POLR2B: variants seen among roughly 807,000 people sequenced by gnomAD.
The protein encoded by POLR2B is RNA polymerase II subunit B.
Under a neutral mutation model 144.6 loss-of-function variants are expected in POLR2B, and 57 were observed. The observed-to-expected ratio is 0.39, with a 90% CI of 0.32 to 0.49. The LOEUF is 0.49. POLR2B is among the 20% of genes least tolerant of loss of function. The pLI is 0.83. For missense variants in POLR2B, 595 were observed against 1,467.4 expected (o/e 0.41, Z 9.71); for synonymous variants, 442 against 469.8 (o/e 0.94, Z 0.77).
chr4:56,994,486 TGCCCAATGAA>T lies in POLR2B; in HGVS notation c.329_338del (p.Pro110LeufsTer3). ...AGAGATGGTGCTCCTTCACCAATGA[TGCCCAATGAA>T]GCTAGATTAAGGAATCTCACGTAAG... On this transcript the variant is annotated frameshift_variant, in exon 4 of 25. Coordinates refer to ENST00000314595, the MANE Select transcript of POLR2B (RefSeq NM_000938.3). LOFTEE classifies it high-confidence loss of function. 1 of 1,602,900 alleles carries T rather than the reference TGCCCAATGAA, an allele frequency of 6.2e-7. No homozygotes were observed. Among genetic ancestry groups the T allele is most frequent in the Non-Finnish European group, 8.5e-7 (1 of 1,169,828 alleles).
At chr4:56,997,477 G>A (rs1165641817) in intron 6 of POLR2B, among the ~76,000 whole-genome samples, 2 of 152,232 alleles carry the variant, frequency 1.3e-5, no homozygotes, top group Non-Finnish European at 2.9e-5. Flanking sequence ...GGCTGGTCTC[G>A]AACTCCTGAG....
chr4:56,994,393 T>G lies in POLR2B; in HGVS notation c.244-11T>G. Reference sequence around the variant, plus strand: ...TATTTACCCTTTTCATGTTTTTTTGTTTAATTTCAGCCACGATATTTGCTG... The same window carrying G: ...TATTTACCCTTTTCATGTTTTTTTGGTTAATTTCAGCCACGATATTTGCTG... On this transcript the variant is annotated splice_polypyrimidine_tract_variant and intron_variant, in intron 3 of 24. Coordinates refer to ENST00000314595, the MANE Select transcript of POLR2B (RefSeq NM_000938.3). 7.0e-7 allele frequency: 1 copy of G among 1,435,182 alleles called. No homozygotes were observed. Among genetic ancestry groups the G allele is most frequent in the Non-Finnish European group, 9.7e-7 (1 of 1,028,076 alleles). The allele number at this position is 1,435,182 out of a possible 1,614,324, so 88.9% of individuals were successfully genotyped here.
At chr4:57,003,854 AAAAAAG>A (rs1005417076) in intron 7 of POLR2B, among the ~76,000 whole-genome samples, 31 of 152,034 alleles carry the variant, frequency 2.0e-4, no homozygotes, top group African/African-American at 6.5e-4. Context: ...CTCTTAAAAA[AAAAAAG>A]AAAAAGAAGA....
intron 23 of POLR2B, 148 bp from the exon 24 acceptor site, chr4:57,030,056 C>A: frequency 1.4e-6 from 1 of 690,422 alleles, no homozygotes; most frequent in Non-Finnish European, 2.4e-6. Flanking sequence ...GACTTCTCCT[C>A]TCCCCACCAA....
At chr4:56,994,140 C>T (rs1444046911) in intron 3 of POLR2B, among the ~76,000 whole-genome samples, 3 of 152,062 alleles carry the variant, frequency 2.0e-5, no homozygotes, top group Admixed American at 2.0e-4. Context: ...AACCTTGTTA[C>T]AAACCTTGTT....
Position 57,006,891 on chromosome 4 carries a change from G to T in POLR2B, c.1293G>T (p.Leu431Phe). 6.2e-7 allele frequency: 1 copy of T among 1,613,076 alleles called. No individual in the cohort carries two copies. Among genetic ancestry groups the T allele is most frequent in the Non-Finnish European group, 8.5e-7 (1 of 1,179,114 alleles). ...TTGATCGAGGAAAGGATTTTAACTT[G>T]GAGTTGGCAATTAAAACACGGATCA... ...KFIDRGKDFN[L>F]ELAIKTRIIS... The change falls in exon 10 of 25, where the codon TTG becomes TTT. Residue 431 changes from leucine to phenylalanine, a missense_variant. By Grantham distance (22) the Leu-to-Phe change is conservative (BLOSUM62 0). Transcript: ENST00000314595.
intron 3 of POLR2B, among the ~76,000 whole-genome samples, 184 bp from the exon 4 acceptor site, chr4:56,994,220 A>C (rs1722609718): frequency 3.9e-5 from 6 of 152,338 alleles, no homozygotes; most frequent in Admixed American, 3.3e-4. Context: ...ATTTGGTTTA[A>C]AACTTAACGT....
At chr4:57,026,149 A>G (rs548909788) in intron 23 of POLR2B, among the ~76,000 whole-genome samples, 1 of 151,954 alleles carries the variant, frequency 6.6e-6, no homozygotes, top group African/African-American at 2.4e-5. Flanking sequence ...GAGGCATGAG[A>G]ATCACTTGAA....
chr4:56,989,189 T>G (rs1578558669), intron 2 of POLR2B, among the ~76,000 whole-genome samples: 2 of 152,286 alleles, frequency 1.3e-5, no homozygotes, highest in East Asian at 3.9e-4. Context: ...TTCTAATGAT[T>G]TTGGGTAAAG....
intron 13 of POLR2B, among the ~76,000 whole-genome samples, chr4:57,015,301 G>A (rs917643010): frequency 1.3e-5 from 2 of 152,072 alleles, no homozygotes; most frequent in African/African-American, 4.8e-5. Context: ...TAATTGCCAA[G>A]GTTAGATTTT....
intron 7 of POLR2B, among the ~76,000 whole-genome samples, chr4:57,000,185 C>G (rs1722809453): frequency 6.6e-6 from 1 of 152,228 alleles, no homozygotes; most frequent in Admixed American, 6.5e-5. Flanking sequence ...CCTATAATCT[C>G]AGCACTTTGG....
rs1723409091 is a variant in POLR2B at position 57,017,500 on chromosome 4, A to T, written c.2155-60A>T. 1 of 1,319,452 alleles carries T rather than the reference A, an allele frequency of 7.6e-7. No homozygotes were observed. Among genetic ancestry groups the T allele is most frequent in the African/African-American group, 1.5e-5 (1 of 67,916 alleles). 81.7% of individuals were successfully genotyped at this position (1,319,452 alleles called of 1,614,324 possible). A position where few individuals can be genotyped will look rare whatever the true frequency, so the allele number is the denominator to read the frequency against. On this transcript the variant is annotated intron_variant, in intron 15 of 24. Coordinates refer to ENST00000314595, the MANE Select transcript of POLR2B (RefSeq NM_000938.3). This position sits in a 1 kb window ranked among gnomAD's most constrained non-coding sequence, Gnocchi z 4.8. ...CATATTTCTTTTGATTTATTGTCAG[A>T]GTCTTTTCCATTAGTGATAGTAACT...
chr4:56,990,585 C>T (rs1722482921), intron 2 of POLR2B, among the ~76,000 whole-genome samples, 163 bp from the exon 3 acceptor site: 1 of 152,140 alleles, frequency 6.6e-6, no homozygotes, highest in South Asian at 2.1e-4. Context: ...CGGTTTCATC[C>T]TTTTTAAGAT....
At chr4:57,012,642 G>C (rs1723228528) in intron 13 of POLR2B, among the ~76,000 whole-genome samples, 1 of 150,196 alleles carries the variant, frequency 6.7e-6, no homozygotes, top group Admixed American at 6.7e-5. Context: ...TTTTCCAGCA[G>C]CAGACCCTGA....
Position 57,031,097 on chromosome 4 carries a change from A to T in POLR2B, c.*109A>T. ...ACTGTGTTGTGATAAAAAGTATTTT[A>T]TTTGTTTAATGATATGCATGCTTTT... On this transcript the variant is annotated 3_prime_UTR_variant, in exon 25 of 25. Coordinates refer to ENST00000314595, the MANE Select transcript of POLR2B (RefSeq NM_000938.3). 1.3e-6 allele frequency: 1 copy of T among 776,564 alleles called. No individual in the cohort carries two copies. The highest frequency in any genetic ancestry group is 2.2e-6 in the Non-Finnish European group (1 of 455,964). The allele number at this position is 776,564 out of a possible 1,614,324, so 48.1% of individuals were successfully genotyped here. A position where few individuals can be genotyped will look rare whatever the true frequency, so the allele number is the denominator to read the frequency against.
chr4:56,982,453 T>C (rs1215236481), intron 1 of POLR2B, among the ~76,000 whole-genome samples: 1 of 152,066 alleles, frequency 6.6e-6, no homozygotes, highest in Non-Finnish European at 1.5e-5. Context: ...GTGCCTGTGA[T>C]CCCAGCTCCT....
intron 2 of POLR2B, among the ~76,000 whole-genome samples, chr4:56,989,583 C>T (rs759358102): frequency 6.6e-6 from 1 of 152,182 alleles, no homozygotes; most frequent in Non-Finnish European, 1.5e-5. Flanking sequence ...ATTAGTTGGA[C>T]TCTGCATATT....
At chr4:57,011,972 T>C (rs1723200636) in intron 13 of POLR2B, among the ~76,000 whole-genome samples, 1 of 152,232 alleles carries the variant, frequency 6.6e-6, no homozygotes, top group African/African-American at 2.4e-5. Context: ...TGAGAATACT[T>C]TTTAAAAGGG....
intron 7 of POLR2B, among the ~76,000 whole-genome samples, chr4:57,003,989 T>G (rs1483825003): frequency 6.6e-6 from 1 of 151,678 alleles, no homozygotes; most frequent in Non-Finnish European, 1.5e-5. Flanking sequence ...CTGTCTCCTT[T>G]GTAAAATATT....
Sources: gnomAD v4.1 joint callset for allele counts (sites outside exome capture counted in the v4.1 genomes callset) on GRCh38, gnomAD v4.1.1 for gene constraint, Gnocchi (gnomAD v3.1) non-coding constraint, MANE v1.5 for transcripts, NCBI Gene and HGNC (gene_info 2026-07-23, HGNC 2026-07-21) for gene names.